Variants in DTD1 observed in about 807,000 individuals in gnomAD.
DTD1 encodes the protein D-aminoacyl-tRNA deacylase 1.
In DTD1, 13 loss-of-function variants were observed where a neutral mutation model predicts 25.6. That is an observed-to-expected ratio of 0.51 (90% confidence interval 0.33 to 0.81). The LOEUF is 0.81. Among genes scored for constraint, DTD1 ranks in the 30% least tolerant of loss-of-function variants. DTD1 has a pLI of 0.02. For missense variants in DTD1, 193 were observed against 266.4 expected (o/e 0.72, Z 1.92); for synonymous variants, 110 against 103.6 (o/e 1.06, Z -0.37).
chr20:18,752,031 T>C (rs1332045012), intron 5 of DTD1, among the ~76,000 whole-genome samples: 1 of 152,180 alleles, frequency 6.6e-6, no homozygotes. Flanking sequence ...CAGTTTCTTA[T>C]GAGAAGTCCC....
chr20:18,747,268 G>A (rs978092695), intron 5 of DTD1, among the ~76,000 whole-genome samples: 4 of 152,194 alleles, frequency 2.6e-5, no homozygotes. Flanking sequence ...TTGGGTGACA[G>A]TGAGTAAGTT....
intron 4 of DTD1, among the ~76,000 whole-genome samples, chr20:18,638,860 A>G (rs1568655020): frequency 6.6e-6 from 1 of 152,134 alleles, no homozygotes. Flanking sequence ...TTCTGGATAC[A>G]CTTTGGAGGC....
At chr20:18,676,794 A>G (rs1314866708) in intron 4 of DTD1, among the ~76,000 whole-genome samples, 1 of 152,178 alleles carries the variant, frequency 6.6e-6, no homozygotes, top group Non-Finnish European at 1.5e-5. Flanking sequence ...CTTACGGCTC[A>G]GTGACAAGCA....
intron 5 of DTD1, among the ~76,000 whole-genome samples, chr20:18,762,101 G>A (rs2061365367): frequency 6.6e-6 from 1 of 152,174 alleles, no homozygotes; most frequent in African/African-American, 2.4e-5. Context: ...CTATCCAGCT[G>A]GGCAGGGGAA....
chr20:18,697,131 C>T (rs2122451373), intron 4 of DTD1, among the ~76,000 whole-genome samples: 1 of 151,672 alleles, frequency 6.6e-6, no homozygotes, highest in South Asian at 2.1e-4. Context: ...ATTCGGGAGG[C>T]TGTGGCAGGA....
At chr20:18,624,474 C>T (rs532916753) in intron 3 of DTD1, among the ~76,000 whole-genome samples, 8 of 152,300 alleles carry the variant, frequency 5.3e-5, no homozygotes, top group African/African-American at 1.7e-4. Context: ...TATCCCAAGA[C>T]ATCATGAGCT....
chr20:18,741,916 TTTTG>T, intron 4 of DTD1, among the ~76,000 whole-genome samples: 1 of 121,182 alleles, frequency 8.3e-6, no homozygotes, highest in Non-Finnish European at 1.8e-5. Flanking sequence ...TTTTTTTTTT[TTTTG>T]TAGAGACAGG....
chr20:18,643,978 G>A (rs540169093), intron 4 of DTD1, among the ~76,000 whole-genome samples: 2 of 152,222 alleles, frequency 1.3e-5, no homozygotes, highest in South Asian at 2.1e-4. Flanking sequence ...GGGCATTTGT[G>A]TGTTTACATA....
chr20:18,595,920 G>A lies in DTD1; in HGVS notation c.135-86G>A, dbSNP rs895650642. The A allele has an allele frequency of 8.3e-5, 97 of 1,167,734 alleles. No individual in the cohort carries two copies. In the African/African-American group the frequency reaches 9.2e-4, roughly 11 times the overall value. The allele number at this position is 1,167,734 out of a possible 1,614,324, so 72.3% of individuals were successfully genotyped here. A position where few individuals can be genotyped will look rare whatever the true frequency, so the allele number is the denominator to read the frequency against. On this transcript the variant is annotated intron_variant, in intron 2 of 5. Transcript: ENST00000377452. ...GTCATCATTATGTCCTTATTTGACC[G>A]GAAGCTGGTGACATTTTTGGGGTAT...
chr20:18,616,586 T>C (rs780411624), intron 3 of DTD1, among the ~76,000 whole-genome samples: 3 of 151,522 alleles, frequency 2.0e-5, no homozygotes, highest in Non-Finnish European at 4.4e-5. Flanking sequence ...CCAGGAGTTC[T>C]AGACCAGCCT....
chr20:18,640,690 G>T (rs1480374619), intron 4 of DTD1, among the ~76,000 whole-genome samples: 1 of 150,878 alleles, frequency 6.6e-6, no homozygotes, highest in Non-Finnish European at 1.5e-5. Context: ...GAGTACAGTG[G>T]AGTGATCTCA....
intron 4 of DTD1, among the ~76,000 whole-genome samples, chr20:18,689,789 A>G (rs2122431355): frequency 6.8e-6 from 1 of 146,450 alleles, no homozygotes; most frequent in East Asian, 2.0e-4. Context: ...TGAGCACTCT[A>G]AATGCAGTTA....
chr20:18,757,753 C>T (rs937256063), intron 5 of DTD1, among the ~76,000 whole-genome samples: 3 of 152,172 alleles, frequency 2.0e-5, no homozygotes, highest in African/African-American at 7.2e-5. Context: ...GTGTCTCTGC[C>T]AGACTTTGGT....
At chr20:18,747,821 C>T (rs912342264) in intron 5 of DTD1, among the ~76,000 whole-genome samples, 1 of 149,300 alleles carries the variant, frequency 6.7e-6, no homozygotes, top group Non-Finnish European at 1.5e-5. Context: ...GACCATCTGG[C>T]CAATATGGTG....
Position 18,596,188 on chromosome 20 carries a change from A to T in DTD1, c.317A>T (p.Tyr106Phe). The T allele has an allele frequency of 6.2e-7, 1 of 1,614,172 alleles. No homozygotes were observed. The highest frequency in any genetic ancestry group is 8.5e-7 in the Non-Finnish European group (1 of 1,180,030). ...AMPTEQAEGF[Y>F]NSFLEQLRKT... Reference sequence around the variant, plus strand: ...CCCACGGAGCAGGCAGAGGGCTTCTACAACAGCTTCCTGGAGCAGCTGCGT... The same window carrying T: ...CCCACGGAGCAGGCAGAGGGCTTCTTCAACAGCTTCCTGGAGCAGCTGCGT... Residue 106 changes from tyrosine (Y) to phenylalanine (F), a missense_variant, in exon 3 of 6, where the codon TAC (tyrosine) becomes TTC (phenylalanine). Tyr to Phe is a conservative substitution (Grantham distance 22). Coordinates refer to ENST00000377452, the MANE Select transcript of DTD1 (RefSeq NM_080820.6).
chr20:18,690,976 A>G (rs1401068340), intron 4 of DTD1, among the ~76,000 whole-genome samples: 3 of 152,220 alleles, frequency 2.0e-5, no homozygotes, highest in African/African-American at 7.2e-5. Flanking sequence ...ACACTGCTCA[A>G]AAGAAGTCAT....
chr20:18,658,188 G>GGTGTGTGT (rs1568660571), intron 4 of DTD1, among the ~76,000 whole-genome samples: 1 of 105,092 alleles, frequency 9.5e-6, no homozygotes, highest in African/African-American at 3.3e-5. Context: ...AAGAGTCTGA[G>GGTGTGTGT]ATGTGTGTGT....
intron 4 of DTD1, among the ~76,000 whole-genome samples, chr20:18,733,303 GC>G (rs1176623962): frequency 1.3e-5 from 2 of 152,196 alleles, no homozygotes; most frequent in Non-Finnish European, 2.9e-5. Context: ...CCTTGTGCCC[GC>G]CTGTGGCCAC....
At chr20:18,762,634 G>T (rs547425830) in intron 5 of DTD1, among the ~76,000 whole-genome samples, 1 of 152,094 alleles carries the variant, frequency 6.6e-6, no homozygotes, top group Non-Finnish European at 1.5e-5. Context: ...TTTGTGAGTC[G>T]AAAGTTGCTT....
Sources: allele counts gnomAD v4.1 joint callset (sites outside exome capture counted in the v4.1 genomes callset), GRCh38; gene constraint gnomAD v4.1.1; transcripts MANE v1.5; gene names NCBI Gene and HGNC (gene_info 2026-07-23, HGNC 2026-07-21).